NECTIN3: variants seen among roughly 807,000 people sequenced by gnomAD.
NECTIN3 encodes the protein nectin cell adhesion molecule 3, also known as nectin-3.
In NECTIN3, 8 loss-of-function variants were observed where a neutral mutation model predicts 49.4. That is an observed-to-expected ratio of 0.16 (90% CI 0.10 to 0.29). The LOEUF is 0.29. Among genes scored for constraint, NECTIN3 ranks in the 10% least tolerant of loss-of-function variants. The probability of loss-of-function intolerance (pLI) is 1.00; values close to 1 mark genes in which losing one functional copy is unlikely to be tolerated. For synonymous variants in NECTIN3, 277 were observed against 241.1 expected (o/e 1.15, Z -1.38); for missense variants, 581 against 654.6 (o/e 0.89, Z 1.23).
At chr3:111,144,958 C>A in exon 6 of NECTIN3, 1 of 1,536,280 alleles carries the variant, frequency 6.5e-7, no homozygotes. Flanking sequence ...TGGAGCTGTT[C>A]TTGCCCTTTT....
In NECTIN3 at chr3:111,136,619, A is replaced by C; in HGVS notation, c.*2404A>C. ...AAAGACATTGTTAAATTAGTTTTTG[A>C]ATACCAGTGATATTCATAACTACTT... is the stretch of plus-strand genomic sequence containing the variant. On this transcript the variant is annotated 3_prime_UTR_variant, in exon 6 of 6. Coordinates refer to ENST00000485303, the MANE Select transcript of NECTIN3 (RefSeq NM_015480.3). 2.2e-6 allele frequency: 2 copies of C among 915,998 alleles called. No homozygotes were observed. Among genetic ancestry groups the C allele is most frequent in the Non-Finnish European group, 2.6e-6 (2 of 767,048 alleles). 56.7% of individuals were successfully genotyped at this position (915,998 alleles called of 1,614,324 possible). A position where few individuals can be genotyped will look rare whatever the true frequency, so the allele number is the denominator to read the frequency against.
chr3:111,078,360 T>C (rs943678232), intron 1 of NECTIN3, among the ~76,000 whole-genome samples: 2 of 152,302 alleles, frequency 1.3e-5, no homozygotes, highest in Non-Finnish European at 1.5e-5. Context: ...TTTCATTTTT[T>C]TCATGCTTTC....
intron 5 of NECTIN3, among the ~76,000 whole-genome samples, chr3:111,131,872 A>G (rs944094552): frequency 1.3e-5 from 2 of 151,910 alleles, no homozygotes; most frequent in African/African-American, 4.8e-5. Flanking sequence ...AAGTATTTAA[A>G]TTATAAATAA....
chr3:111,138,899 TG>T (rs2034669851), downstream of NECTIN3, among the ~76,000 whole-genome samples: 1 of 151,590 alleles, frequency 6.6e-6, no homozygotes, highest in Admixed American at 6.6e-5. Context: ...AAAACCTAAT[TG>T]TAAAGTGACA....
intron 5 of NECTIN3, among the ~76,000 whole-genome samples, chr3:111,130,056 C>T (rs1193376235): frequency 4.7e-5 from 7 of 149,062 alleles, no homozygotes; most frequent in South Asian, 2.2e-4. Context: ...CCCGGGTTCA[C>T]GGCCACTCTC....
chr3:111,112,421 TAAA>T (rs760136709), intron 2 of NECTIN3, 50 bp downstream of exon 2: 27 of 1,104,748 alleles, frequency 2.4e-5, no homozygotes, highest in Non-Finnish European at 3.1e-5. Context: ...AAGATTATAA[TAAA>T]AATATTTTTA....
chr3:111,114,629 G>A (rs569550700), intron 2 of NECTIN3, among the ~76,000 whole-genome samples: 3 of 152,140 alleles, frequency 2.0e-5, no homozygotes, highest in Non-Finnish European at 4.4e-5. Context: ...AGAAATAGTT[G>A]AGTCAGTCCT....
At chr3:111,181,112 T>C (rs2035620259) in intron 7 of NECTIN3, among the ~76,000 whole-genome samples, 2 of 152,130 alleles carry the variant, frequency 1.3e-5, no homozygotes, top group Non-Finnish European at 2.9e-5. Flanking sequence ...GTATCACCAC[T>C]ACCACCACCA....
In NECTIN3 at chr3:111,137,188, A is replaced by G. The variant is rs2034609313; in HGVS notation, c.*2973A>G. The G allele has an allele frequency of 7.5e-6, 7 of 935,826 alleles. No homozygotes were observed. Among genetic ancestry groups the G allele is most frequent in the Non-Finnish European group, 8.9e-6 (7 of 784,988 alleles). The allele number at this position is 935,826 out of a possible 1,614,324, so 58.0% of individuals were successfully genotyped here. Reference sequence around the variant, plus strand: ...GATAAATACTGCTAAAACACAGTATATGAACAAGTAAGAAGTTTATGTATG... The same window carrying G: ...GATAAATACTGCTAAAACACAGTATGTGAACAAGTAAGAAGTTTATGTATG... On this transcript the variant is annotated 3_prime_UTR_variant, in exon 6 of 6. Transcript: ENST00000485303.
chr3:111,158,389 G>A (rs2035140734), intron 7 of NECTIN3, among the ~76,000 whole-genome samples: 1 of 151,966 alleles, frequency 6.6e-6, no homozygotes, highest in African/African-American at 2.4e-5. Context: ...TCAGATGTTT[G>A]GTGGGCAGTA....
chr3:111,149,257 T>A (rs561743463), intron 7 of NECTIN3, among the ~76,000 whole-genome samples: 2 of 152,232 alleles, frequency 1.3e-5, no homozygotes, highest in Admixed American at 1.3e-4. Flanking sequence ...TAATATGATT[T>A]GATATTCAGT....
At chr3:111,188,946 A>C (rs1013438534), upstream of NECTIN3, among the ~76,000 whole-genome samples, 3 of 152,192 alleles carry the variant, frequency 2.0e-5, no homozygotes, top group Non-Finnish European at 2.9e-5. Flanking sequence ...TGTTCCTAGA[A>C]TATGCTCCCT....
intron 7 of NECTIN3, among the ~76,000 whole-genome samples, chr3:111,167,018 G>A (rs1330577727): frequency 6.6e-6 from 1 of 152,182 alleles, no homozygotes; most frequent in African/African-American, 2.4e-5. Flanking sequence ...TTTGCATTTT[G>A]TAGCCACATT....
intron 1 of NECTIN3, among the ~76,000 whole-genome samples, chr3:111,090,493 GGCAA>G (rs1559770596): frequency 6.6e-6 from 1 of 151,754 alleles, no homozygotes; most frequent in Admixed American, 6.6e-5. Context: ...TTACTTCCCA[GGCAA>G]TACAGGAACC....
At chr3:111,151,809 T>C (rs1355026920) in intron 7 of NECTIN3, among the ~76,000 whole-genome samples, 2 of 151,910 alleles carry the variant, frequency 1.3e-5, no homozygotes, top group African/African-American at 4.8e-5. Context: ...ATTTTTTTAG[T>C]GTATGGATAA....
chr3:111,121,627 C>T (rs1341857287), intron 3 of NECTIN3, among the ~76,000 whole-genome samples: 1 of 152,086 alleles, frequency 6.6e-6, no homozygotes, highest in Non-Finnish European at 1.5e-5. Flanking sequence ...TTAATTGTAA[C>T]ATAGGGAATC....
intron 1 of NECTIN3, among the ~76,000 whole-genome samples, chr3:111,100,133 T>G (rs1481705012): frequency 1.3e-5 from 2 of 152,126 alleles, no homozygotes; most frequent in African/African-American, 4.8e-5. Flanking sequence ...CCCTATGTAA[T>G]TGTTTAGAGG....
intron 1 of NECTIN3, among the ~76,000 whole-genome samples, chr3:111,105,939 C>T (rs538780054): frequency 6.6e-6 from 1 of 150,624 alleles, no homozygotes; most frequent in East Asian, 1.9e-4. Context: ...ATTCTCACCA[C>T]TCCACCAAAA....
chr3:111,118,312 GAAGT>G (rs2033795206), intron 2 of NECTIN3, among the ~76,000 whole-genome samples: 1 of 129,166 alleles, frequency 7.7e-6, no homozygotes, highest in Admixed American at 8.5e-5. Context: ...ATCTTCCAGA[GAAGT>G]AATACCTTTA....
Sources: gnomAD v4.1 joint callset for allele counts (sites outside exome capture counted in the v4.1 genomes callset) on GRCh38, gnomAD v4.1.1 for gene constraint, MANE v1.5 for transcripts, NCBI Gene and HGNC (gene_info 2026-07-23, HGNC 2026-07-21) for gene names.